NXPH1: variants seen among roughly 807,000 people sequenced by gnomAD.
NXPH1 encodes neurexophilin 1, also known as neurexophilin-1.
NXPH1 carries 5 observed loss-of-function variants against 23.7 expected under a neutral mutation model. The observed-to-expected ratio is 0.21, with a 90% CI of 0.11 to 0.44. NXPH1 has a LOEUF of 0.44. Among genes scored for constraint, NXPH1 ranks in the 20% least tolerant of loss-of-function variants. The pLI is 0.99. For synonymous variants in NXPH1, 144 were observed against 122.2 expected (o/e 1.18, Z -1.18); for missense variants, 324 against 321.6 (o/e 1.01, Z -0.06).
At chr7:8,516,707 G>A (rs1463950813) in intron 2 of NXPH1, among the ~76,000 whole-genome samples, 3 of 152,072 alleles carry the variant, frequency 2.0e-5, no homozygotes, top group African/African-American at 7.2e-5. Context: ...TAGAACTCTG[G>A]AGCCTTTTGA....
intron 2 of NXPH1, among the ~76,000 whole-genome samples, chr7:8,635,930 C>G (rs1367223319): frequency 2.0e-5 from 3 of 152,018 alleles, no homozygotes; most frequent in Non-Finnish European, 2.9e-5. Context: ...AAGTGCTGTT[C>G]TTTGAGAGAG....
chr7:8,438,601 A>C (rs968574347), intron 2 of NXPH1, among the ~76,000 whole-genome samples: 3 of 152,210 alleles, frequency 2.0e-5, no homozygotes, highest in African/African-American at 7.2e-5. Flanking sequence ...TAATCACCAC[A>C]TTAAGTCCAT....
At chr7:8,650,185 T>G (rs1479492333) in intron 2 of NXPH1, among the ~76,000 whole-genome samples, 1 of 152,212 alleles carries the variant, frequency 6.6e-6, no homozygotes, top group East Asian at 1.9e-4. Flanking sequence ...GTTCTTAAGG[T>G]TTTATCAGCA....
chr7:8,491,977 T>C (rs1817254881), intron 2 of NXPH1, among the ~76,000 whole-genome samples: 1 of 152,014 alleles, frequency 6.6e-6, no homozygotes, highest in South Asian at 2.1e-4. Context: ...CAACACACAG[T>C]AAAACTCCTG....
At chr7:8,488,118 G>C (rs1454246430) in intron 2 of NXPH1, among the ~76,000 whole-genome samples, 1 of 152,008 alleles carries the variant, frequency 6.6e-6, no homozygotes, top group African/African-American at 2.4e-5. Flanking sequence ...TTGTTTAATG[G>C]TGATAACAAT....
At chr7:8,448,855 G>A (rs1283739654) in intron 2 of NXPH1, among the ~76,000 whole-genome samples, 1 of 147,406 alleles carries the variant, frequency 6.8e-6, no homozygotes, top group Non-Finnish European at 1.5e-5. Flanking sequence ...CATTTCTACA[G>A]CAACTAGCGA....
At chr7:8,473,390 C>T (rs541354879) in intron 2 of NXPH1, among the ~76,000 whole-genome samples, 1 of 152,182 alleles carries the variant, frequency 6.6e-6, no homozygotes, top group Non-Finnish European at 1.5e-5. Flanking sequence ...CGCATGGTGA[C>T]TATTTGTTTG....
At chr7:8,593,482 C>T (rs944474339) in intron 2 of NXPH1, among the ~76,000 whole-genome samples, 5 of 151,756 alleles carry the variant, frequency 3.3e-5, no homozygotes, top group Non-Finnish European at 7.4e-5. Context: ...GTTGATTTCT[C>T]TTCCCTTGTG....
At chr7:8,685,541 C>T (rs1202373105) in intron 2 of NXPH1, among the ~76,000 whole-genome samples, 1 of 151,844 alleles carries the variant, frequency 6.6e-6, no homozygotes. Context: ...CAAATCTTAG[C>T]TATTGTAAAC....
At chr7:8,527,282 G>T (rs1030213255) in intron 2 of NXPH1, among the ~76,000 whole-genome samples, 2 of 152,170 alleles carry the variant, frequency 1.3e-5, no homozygotes, top group African/African-American at 2.4e-5. Flanking sequence ...CTCAGCTTTT[G>T]CTTTCTTGGA....
chr7:8,437,421 A>T (rs997302951), intron 2 of NXPH1, among the ~76,000 whole-genome samples: 1 of 151,838 alleles, frequency 6.6e-6, no homozygotes, highest in African/African-American at 2.4e-5. Flanking sequence ...AATTTTAAGG[A>T]TTCCCTTGAC....
chr7:8,741,418 G>A (rs1046598260), intron 2 of NXPH1, among the ~76,000 whole-genome samples: 2 of 152,098 alleles, frequency 1.3e-5, no homozygotes, highest in African/African-American at 2.4e-5. Flanking sequence ...AAACCCAGAA[G>A]TGGGATTGCT....
chr7:8,445,487 T>C lies in NXPH1; in HGVS notation c.54+9720T>C, dbSNP rs919082471. Among the ~76,000 whole-genome samples the C allele has an allele frequency of 3.9e-5, 6 of 152,186 alleles. No homozygotes were observed. In the East Asian group the frequency reaches 1.2e-3, roughly 29 times the overall value. On this transcript the variant is annotated intron_variant, in intron 2 of 2. Transcript: ENST00000405863. Reference sequence around the variant, plus strand: ...CCACCACAATGCATAAATTTACACATAGTGTAACGGGGCCTTCTAGAGCTA... The same window carrying C: ...CCACCACAATGCATAAATTTACACACAGTGTAACGGGGCCTTCTAGAGCTA...
intron 2 of NXPH1, among the ~76,000 whole-genome samples, chr7:8,605,915 T>A (rs1268690151): frequency 6.6e-6 from 1 of 152,164 alleles, no homozygotes; most frequent in East Asian, 1.9e-4. Flanking sequence ...GTTATACATC[T>A]TTGTTATTTT....
chr7:8,509,143 C>G lies in NXPH1; in HGVS notation c.54+73376C>G, dbSNP rs573173993. On this transcript the variant is annotated intron_variant, in intron 2 of 2. Coordinates refer to ENST00000405863, the MANE Select transcript of NXPH1 (RefSeq NM_152745.3). ...GACATTATCCATTAGTGCATGACTGCTGAGCCTACTGTTTACCAGCTTGAG... is the reference window on the plus strand; with the variant it reads ...GACATTATCCATTAGTGCATGACTGGTGAGCCTACTGTTTACCAGCTTGAG... Among the ~76,000 whole-genome samples the G allele has an allele frequency of 1.7e-3, 256 of 152,186 alleles. 1 individual carries two copies. Among genetic ancestry groups the G allele is most frequent in the African/African-American group, 5.7e-3 (235 of 41,558 alleles).
At chr7:8,663,329 A>G (rs960352595) in intron 2 of NXPH1, among the ~76,000 whole-genome samples, 4 of 152,054 alleles carry the variant, frequency 2.6e-5, no homozygotes, top group Non-Finnish European at 5.9e-5. Flanking sequence ...AAGAGGATGC[A>G]CTTGACATTT....
intron 2 of NXPH1, among the ~76,000 whole-genome samples, chr7:8,553,393 A>C (rs1818308835): frequency 6.7e-6 from 1 of 150,292 alleles, no homozygotes. Flanking sequence ...CAATCTAATA[A>C]TTTTCTATAT....
intron 2 of NXPH1, among the ~76,000 whole-genome samples, chr7:8,536,942 A>G (rs746951278): frequency 3.3e-5 from 5 of 151,984 alleles, no homozygotes; most frequent in Admixed American, 6.6e-5. Context: ...ATGGTGGCCA[A>G]TTGATAGTGA....
chr7:8,710,897 C>T (rs1413396741), intron 2 of NXPH1, among the ~76,000 whole-genome samples: 2 of 148,838 alleles, frequency 1.3e-5, no homozygotes, highest in African/African-American at 2.6e-5. Flanking sequence ...CTCCTGACCT[C>T]ATGATCCACC....
Sources: allele counts gnomAD v4.1 joint callset (sites outside exome capture counted in the v4.1 genomes callset), GRCh38; gene constraint gnomAD v4.1.1; transcripts MANE v1.5; gene names NCBI Gene and HGNC (gene_info 2026-07-23, HGNC 2026-07-21).